The following GABRB2 variants were observed in gnomAD, a reference collection of about 807,000 sequenced individuals.
GABRB2 encodes gamma-aminobutyric acid type A receptor subunit beta2.
GABRB2 carries 16 observed loss-of-function variants against 54.7 expected under a neutral mutation model. The observed-to-expected ratio is 0.29, with a 90% CI of 0.20 to 0.44. GABRB2 has a LOEUF of 0.44. GABRB2 is among the 20% of genes least tolerant of loss of function. GABRB2 has a pLI of 1.00. For missense variants in GABRB2, 355 were observed against 644.0 expected (o/e 0.55, Z 4.86); for synonymous variants, 244 against 233.8 (o/e 1.04, Z -0.40).
intron 3 of GABRB2, among the ~76,000 whole-genome samples, chr5:161,488,581 T>G (rs184303140): frequency 5.9e-5 from 9 of 151,984 alleles, no homozygotes; most frequent in Non-Finnish European, 1.2e-4. Flanking sequence ...GATTACAGAA[T>G]GTTTTAAAGA....
intron 9 of GABRB2, among the ~76,000 whole-genome samples, chr5:161,309,665 C>G (rs1336237474): frequency 1.3e-5 from 2 of 150,200 alleles, no homozygotes; most frequent in Non-Finnish European, 3.0e-5. Flanking sequence ...GAGTCTCGCT[C>G]TGTTGCTCAG....
At chr5:161,492,567 T>TGTGC (rs913044912) in intron 3 of GABRB2, among the ~76,000 whole-genome samples, 6 of 150,540 alleles carry the variant, frequency 4.0e-5, no homozygotes, top group Admixed American at 2.7e-4. Flanking sequence ...TTGTAATTTG[T>TGTGC]GTGTGTGTGT....
intron 3 of GABRB2, among the ~76,000 whole-genome samples, chr5:161,529,565 A>C (rs1463361139): frequency 6.6e-6 from 1 of 152,038 alleles, no homozygotes; most frequent in East Asian, 1.9e-4. Context: ...CCATTTGTAA[A>C]ATGTGATAAT....
At chr5:161,452,814 C>T (rs531757730) in intron 4 of GABRB2, among the ~76,000 whole-genome samples, 5 of 152,050 alleles carry the variant, frequency 3.3e-5, no homozygotes, top group Non-Finnish European at 4.4e-5. Flanking sequence ...GGTAACAAGG[C>T]GAAACCTCAC....
chr5:161,544,487 A>T (rs1242965334), intron 3 of GABRB2, among the ~76,000 whole-genome samples: 3 of 152,162 alleles, frequency 2.0e-5, no homozygotes, highest in African/African-American at 7.2e-5. Flanking sequence ...AAACCCCCCA[A>T]CACGTGTTTC....
At chr5:161,350,597 G>C (rs959620194) in intron 5 of GABRB2, among the ~76,000 whole-genome samples, 7 of 152,022 alleles carry the variant, frequency 4.6e-5, no homozygotes, top group African/African-American at 1.7e-4. Flanking sequence ...AACCTGACTG[G>C]ATTGAAGGAT....
At chr5:161,522,379 G>A (rs775293870) in intron 3 of GABRB2, among the ~76,000 whole-genome samples, 1 of 151,626 alleles carries the variant, frequency 6.6e-6, no homozygotes, top group South Asian at 2.1e-4. Flanking sequence ...CGATACCTTG[G>A]GAGGATTATA....
intron 5 of GABRB2, among the ~76,000 whole-genome samples, chr5:161,401,013 C>T (rs770428734): frequency 8.5e-5 from 13 of 152,074 alleles, no homozygotes; most frequent in Admixed American, 2.0e-4. Context: ...CTCTCTGTAT[C>T]TAAAATTCTA....
intron 3 of GABRB2, among the ~76,000 whole-genome samples, chr5:161,494,335 G>T (rs1050949285): frequency 6.6e-6 from 1 of 151,800 alleles, no homozygotes; most frequent in African/African-American, 2.4e-5. Flanking sequence ...ACAAAAAGAA[G>T]AATTTAAGAA....
At chr5:161,508,764 A>G (rs528388701) in intron 3 of GABRB2, among the ~76,000 whole-genome samples, 5 of 152,072 alleles carry the variant, frequency 3.3e-5, no homozygotes, top group South Asian at 2.1e-4. Flanking sequence ...CCTGACACCA[A>G]TTCAAAATAG....
At chr5:161,301,183 C>A (rs111917162) in intron 9 of GABRB2, among the ~76,000 whole-genome samples, 15 of 152,204 alleles carry the variant, frequency 9.9e-5, no homozygotes, top group African/African-American at 3.6e-4. Flanking sequence ...CAACTGCATT[C>A]TCAAAACTCT....
At chr5:161,338,898 C>T (rs1754073852) in intron 5 of GABRB2, among the ~76,000 whole-genome samples, 2 of 152,066 alleles carry the variant, frequency 1.3e-5, no homozygotes, top group South Asian at 2.1e-4. Flanking sequence ...AAGAGCCCCT[C>T]GCTTCTGTAT....
At chr5:161,324,457 A>G (rs1758306473) in intron 9 of GABRB2, among the ~76,000 whole-genome samples, 1 of 152,136 alleles carries the variant, frequency 6.6e-6, no homozygotes, top group African/African-American at 2.4e-5. Flanking sequence ...CCGTTGGTAT[A>G]ATTATCTCAC....
chr5:161,450,795 T>C (rs1757768551), intron 4 of GABRB2, among the ~76,000 whole-genome samples: 1 of 152,160 alleles, frequency 6.6e-6, no homozygotes, highest in Admixed American at 6.6e-5. Flanking sequence ...ATGGAAAACA[T>C]ATTTTTTAAA....
intron 5 of GABRB2, among the ~76,000 whole-genome samples, chr5:161,356,154 A>T (rs998965410): frequency 6.6e-6 from 1 of 152,174 alleles, no homozygotes; most frequent in Non-Finnish European, 1.5e-5. Flanking sequence ...ATGTTTTGTG[A>T]CTTTTTCAGA....
intron 3 of GABRB2, among the ~76,000 whole-genome samples, chr5:161,478,772 A>C (rs1758668718): frequency 1.3e-5 from 2 of 152,044 alleles, no homozygotes; most frequent in South Asian, 4.1e-4. Flanking sequence ...GGTCCATCCC[A>C]TCTTAACTGA....
At chr5:161,373,818 T>C (rs1755202456) in intron 5 of GABRB2, among the ~76,000 whole-genome samples, 1 of 152,212 alleles carries the variant, frequency 6.6e-6, no homozygotes, top group African/African-American at 2.4e-5. Context: ...AGCAAAGTCT[T>C]TATTCTCTAA....
At chr5:161,502,294 A>G (rs986012284) in intron 3 of GABRB2, among the ~76,000 whole-genome samples, 6 of 152,034 alleles carry the variant, frequency 3.9e-5, no homozygotes, top group African/African-American at 1.4e-4. Flanking sequence ...ATAAAAATAG[A>G]TTAATTAAAA....
At chr5:161,308,618 T>C (rs1367409584) in intron 9 of GABRB2, among the ~76,000 whole-genome samples, 1 of 152,152 alleles carries the variant, frequency 6.6e-6, no homozygotes, top group Non-Finnish European at 1.5e-5. Context: ...AATTATGCTG[T>C]AGGGCTACAG....
Sources: allele counts gnomAD v4.1 joint callset (sites outside exome capture counted in the v4.1 genomes callset), GRCh38; gene constraint gnomAD v4.1.1; transcripts MANE v1.5; gene names NCBI Gene and HGNC (gene_info 2026-07-23, HGNC 2026-07-21).